The following ELP3 variants were observed in gnomAD, a reference collection of about 807,000 sequenced individuals.
ELP3 encodes elongator acetyltransferase complex subunit 3.
A neutral mutation model predicts 74.9 loss-of-function variants in ELP3; 56 were observed. The ratio of observed to expected loss-of-function variants is 0.75; its 90% confidence interval spans 0.60 to 0.93. The LOEUF is 0.93. Among genes scored for constraint, ELP3 ranks in the 40% least tolerant of loss-of-function variants. The probability of loss-of-function intolerance (pLI) is 0.00; values close to 1 mark genes in which losing one functional copy is unlikely to be tolerated. For missense variants in ELP3, 573 were observed against 686.5 expected, an observed-to-expected ratio of 0.83 and a Z score of 1.85; for synonymous variants, 222 against 239.8, an observed-to-expected ratio of 0.93 and a Z score of 0.68.
intron 10 of ELP3, among the ~76,000 whole-genome samples, chr8:28,140,114 T>TTGTGTGTGTGTGTGTGTG (rs56981709): frequency 1.4e-5 from 2 of 143,692 alleles, no homozygotes; most frequent in African/African-American, 5.2e-5. Context: ...TGTACATATT[T>TTGTGTGTGTGTGTGTGTG]TGTGTGTGTG....
intron 14 of ELP3, among the ~76,000 whole-genome samples, chr8:28,178,651 C>A (rs73564363): frequency 0.073 from 11,103 of 152,212 alleles, 797 homozygotes; most frequent in East Asian, 0.33. Flanking sequence ...GGACATATTT[C>A]TGTAGAATGT....
rs1053943345 is a variant in ELP3, at chr8:28,132,309, T to C, written c.811T>C (p.Phe271Leu). 3 of 1,614,138 alleles carry C rather than the reference T, an allele frequency of 1.9e-6. No individual in the cohort carries two copies. The Admixed American group carries it at 5.0e-5, about 27-fold the overall frequency. The change falls in exon 9 of 15, where the codon TTT becomes CTT. Residue 271 changes from phenylalanine (F) to leucine (L), a missense_variant. Phe to Leu is a conservative substitution (Grantham distance 22, BLOSUM62 0). Coordinates refer to ENST00000256398, the MANE Select transcript of ELP3 (RefSeq NM_018091.6). ...CACTGTGAAGGCAGTGTGTGAGTCA[T>C]TTCACCTGGCCAAAGATTCCGGTTT... ...GHTVKAVCES[F>L]HLAKDSGFKV...
rs765685102 is a variant in ELP3, at chr8:28,093,191, T to C, written c.-24T>C. 1.1e-5 allele frequency: 18 copies of C among 1,612,076 alleles called. 1 individual carries two copies. The South Asian group carries it at 2.0e-4, about 18-fold the overall frequency. On this transcript the variant is annotated 5_prime_UTR_variant, in exon 1 of 15. Transcript: ENST00000256398. Reference sequence around the variant, plus strand: ...TTTGTGGCTGCATTTTTATCTCTGGTGGCTCTGCTACGGCGGCGCAGAAAT... The same window carrying C: ...TTTGTGGCTGCATTTTTATCTCTGGCGGCTCTGCTACGGCGGCGCAGAAAT...
intron 14 of ELP3, among the ~76,000 whole-genome samples, chr8:28,172,260 GT>G (rs1563287221): frequency 6.6e-6 from 1 of 151,992 alleles, no homozygotes. Context: ...TCTTAACAAT[GT>G]TAAGTCTTCC....
At chr8:28,128,866 C>T (rs1812684912) in intron 7 of ELP3, among the ~76,000 whole-genome samples, 1 of 152,192 alleles carries the variant, frequency 6.6e-6, no homozygotes, top group South Asian at 2.1e-4. Flanking sequence ...CTAACTGAGA[C>T]AGCATGAATC....
chr8:28,171,535 T>C (rs1257719663), intron 14 of ELP3, among the ~76,000 whole-genome samples: 1 of 152,160 alleles, frequency 6.6e-6, no homozygotes, highest in Non-Finnish European at 1.5e-5. Context: ...GTTGTTGAGT[T>C]GTAGGAGTTC....
intron 3 of ELP3, among the ~76,000 whole-genome samples, chr8:28,100,348 T>C (rs1270166839): frequency 2.6e-5 from 4 of 152,342 alleles, no homozygotes; most frequent in African/African-American, 4.8e-5. Context: ...TTATGAGCAC[T>C]GTGGAAGTCC....
At chr8:28,151,810 A>G (rs749220891) in intron 10 of ELP3, among the ~76,000 whole-genome samples, 1 of 152,192 alleles carries the variant, frequency 6.6e-6, no homozygotes. Flanking sequence ...GTGCTAGGTC[A>G]TGTTTCAAAA....
chr8:28,123,094 A>G (rs907679114), intron 7 of ELP3, among the ~76,000 whole-genome samples: 2 of 152,234 alleles, frequency 1.3e-5, no homozygotes, highest in Non-Finnish European at 2.9e-5. Context: ...ACTGCCCTCC[A>G]GGCTGGATAA....
At chr8:28,168,595 T>C (rs1814400892) in intron 14 of ELP3, among the ~76,000 whole-genome samples, 2 of 152,236 alleles carry the variant, frequency 1.3e-5, no homozygotes, top group Admixed American at 1.3e-4. Context: ...GATGAATGAC[T>C]ACCTTTATTT....
chr8:28,162,161 C>T lies in ELP3; in HGVS notation c.1567+83C>T. ...TGAAAACTATGTTGGTACCCTCTTG[C>T]CCCTGTTGATGGTTATTACGTTCAA... On this transcript the variant is annotated intron_variant, in intron 14 of 14. Transcript: ENST00000256398. 9 of 1,386,166 alleles carry T rather than the reference C, an allele frequency of 6.5e-6. No homozygotes were observed. In the South Asian group the frequency reaches 1.1e-4, roughly 16 times the overall value. The allele number at this position is 1,386,166 out of a possible 1,614,324, so 85.9% of individuals were successfully genotyped here. A position where few individuals can be genotyped will look rare whatever the true frequency, so the allele number is the denominator to read the frequency against.
At chr8:28,155,032 A>G (rs1044955983) in intron 10 of ELP3, among the ~76,000 whole-genome samples, 15 of 152,224 alleles carry the variant, frequency 9.9e-5, no homozygotes, top group African/African-American at 3.6e-4. Flanking sequence ...AAATGGATGA[A>G]GTAGCTAATT....
At chr8:28,125,759 C>CTTTTTTTTTTTTTTTTTTTTTTTTTTTT (rs755484214) in intron 7 of ELP3, among the ~76,000 whole-genome samples, 1 of 92,180 alleles carries the variant, frequency 1.1e-5, no homozygotes, top group Non-Finnish European at 2.0e-5. Flanking sequence ...AGTCATTTCT[C>CTTTTTTTTTTTTTTTTTTTTTTTTTTTT]TTTTTTTTTT....
intron 10 of ELP3, among the ~76,000 whole-genome samples, chr8:28,143,492 T>A (rs1813323192): frequency 6.6e-6 from 1 of 152,252 alleles, no homozygotes; most frequent in Non-Finnish European, 1.5e-5. Context: ...CATCTTTACG[T>A]ATCAGTATAT....
intron 14 of ELP3, among the ~76,000 whole-genome samples, chr8:28,188,699 G>A (rs1014900508): frequency 2.0e-5 from 3 of 152,164 alleles, no homozygotes; most frequent in Non-Finnish European, 4.4e-5. Context: ...CTGTTCACTT[G>A]TATCTTTTAT....
Position 28,155,981 on chromosome 8 carries a change from T to G in ELP3, c.1140T>G (p.His380Gln). 1 of 1,614,008 alleles carries G rather than the reference T, an allele frequency of 6.2e-7. No individual in the cohort carries two copies. Among genetic ancestry groups the G allele is most frequent in the Non-Finnish European group, 8.5e-7 (1 of 1,179,876 alleles). The change falls in exon 11 of 15, where the codon CAT becomes CAG. Residue 380 changes from histidine (H) to glutamine (Q), a missense_variant. Physicochemically the swap from His to Gln is conservative, Grantham distance 24. Transcript: ENST00000256398. ...PMPLVSSGVE[H>Q]GNLRELALAR... Reference sequence around the variant, plus strand: ...CTTTAGTTAGCTCAGGAGTAGAGCATGGTAACCTGAGAGAGCTGGCACTTG... The same window carrying G: ...CTTTAGTTAGCTCAGGAGTAGAGCAGGGTAACCTGAGAGAGCTGGCACTTG...
chr8:28,102,489 A>G (rs1811529634), intron 3 of ELP3, among the ~76,000 whole-genome samples: 1 of 152,214 alleles, frequency 6.6e-6, no homozygotes, highest in African/African-American at 2.4e-5. Flanking sequence ...ACAGTGTCAC[A>G]AGAGTGATCT....
intron 9 of ELP3, among the ~76,000 whole-genome samples, chr8:28,137,342 A>G (rs1180278742): frequency 1.3e-5 from 2 of 152,194 alleles, no homozygotes; most frequent in Non-Finnish European, 2.9e-5. Flanking sequence ...AGTGGCATTC[A>G]AACTGAAACC....
intron 4 of ELP3, 48 bp from the exon 5 acceptor site, chr8:28,107,865 G>T (rs762361402): frequency 1.3e-6 from 2 of 1,493,770 alleles, no homozygotes; most frequent in African/African-American, 1.4e-5. Flanking sequence ...CTAGCTGATT[G>T]AACTCAGTTT....
Sources: gnomAD v4.1 joint callset for allele counts (sites outside exome capture counted in the v4.1 genomes callset) on GRCh38, gnomAD v4.1.1 for gene constraint, MANE v1.5 for transcripts, NCBI Gene and HGNC (gene_info 2026-07-23, HGNC 2026-07-21) for gene names.